Variants in SIL1 observed in about 807,000 individuals in gnomAD.
The protein encoded by SIL1 is nucleotide exchange factor SIL1.
SIL1 carries 40 observed loss-of-function variants against 49.1 expected under a neutral mutation model. That is an observed-to-expected ratio of 0.81 (90% confidence interval 0.63 to 1.06). SIL1 has a LOEUF of 1.06. Among genes scored for constraint, SIL1 ranks in the 50% least tolerant of loss-of-function variants. The pLI is 0.00. For missense variants in SIL1, 500 were observed against 572.6 expected (o/e 0.87, Z 1.29); for synonymous variants, 253 against 250.8 (o/e 1.01, Z -0.08).
intron 7 of SIL1, among the ~76,000 whole-genome samples, chr5:138,980,412 A>G (rs1767489904): frequency 6.6e-6 from 1 of 152,164 alleles, no homozygotes; most frequent in Non-Finnish European, 1.5e-5. Context: ...GACAGTTTGG[A>G]CAACCAGTCT....
chr5:139,185,511 T>C (rs1561894566), intron 1 of SIL1, among the ~76,000 whole-genome samples: 1 of 152,234 alleles, frequency 6.6e-6, no homozygotes, highest in Non-Finnish European at 1.5e-5. Context: ...TAAAATTGGT[T>C]TTGTATACAT....
Position 139,127,687 on chromosome 5 carries a change from C to G in SIL1, c.105+52G>C, listed in dbSNP as rs956043980. The stretch of plus-strand genomic sequence containing the variant: ...CACAACAGCCCTGGTGACAGGGAGG[C>G]CTTCTCAAGACCTCATCAAGGGTCC... On this transcript the variant is annotated intron_variant, in intron 2 of 9. Coordinates refer to ENST00000394817, the MANE Select transcript of SIL1 (RefSeq NM_022464.5). 3.5e-6 allele frequency: 5 copies of G among 1,418,780 alleles called. No homozygotes were observed. In the East Asian group the frequency reaches 1.2e-4, roughly 34 times the overall value. The allele number at this position is 1,418,780 out of a possible 1,614,324, so 87.9% of individuals were successfully genotyped here. A position where few individuals can be genotyped will look rare whatever the true frequency, so the allele number is the denominator to read the frequency against.
chr5:139,099,409 A>C (rs1770538657), intron 3 of SIL1, among the ~76,000 whole-genome samples: 1 of 152,244 alleles, frequency 6.6e-6, no homozygotes, highest in African/African-American at 2.4e-5. Flanking sequence ...CATATGATCC[A>C]GCAATTCCAC....
At chr5:139,003,600 GTC>G (rs1768041486) in intron 7 of SIL1, among the ~76,000 whole-genome samples, 1 of 152,176 alleles carries the variant, frequency 6.6e-6, no homozygotes, top group African/African-American at 2.4e-5. Flanking sequence ...TCCTCACACT[GTC>G]AAGACAGAAG....
intron 1 of SIL1, among the ~76,000 whole-genome samples, chr5:139,182,647 A>G (rs1031841699): frequency 6.6e-6 from 1 of 152,228 alleles, no homozygotes; most frequent in Admixed American, 6.5e-5. Flanking sequence ...TGGTCAGATT[A>G]CAATATAGCC....
At chr5:139,081,382 G>A (rs1288932327) in intron 3 of SIL1, among the ~76,000 whole-genome samples, 2 of 152,126 alleles carry the variant, frequency 1.3e-5, no homozygotes, top group African/African-American at 2.4e-5. Context: ...AGCCTCCCAA[G>A]TAGCTAGGAC....
chr5:139,052,664 A>C (rs1453231256), intron 3 of SIL1, among the ~76,000 whole-genome samples: 1 of 152,200 alleles, frequency 6.6e-6, no homozygotes, highest in Non-Finnish European at 1.5e-5. Context: ...AGCCTGGGCA[A>C]CAGTGCAAGA....
Position 138,947,240 on chromosome 5 carries a change from T to G in SIL1, c.1263A>C (p.Thr421=), listed in dbSNP as rs1157233880. The part of the protein sequence containing the change: ...RYRQDPQLGR[T]LASLQAEYQV... ...GGTACTCAGCCTGCAGGCTGGCCAGTGTCCTGCCGAGCTGGGGGTCCTGAC... is the reference window on the plus strand; with the variant it reads ...GGTACTCAGCCTGCAGGCTGGCCAGGGTCCTGCCGAGCTGGGGGTCCTGAC... The change falls in exon 10 of 10, where the codon ACA becomes ACC. Residue 421 remains threonine, a synonymous_variant. Transcript: ENST00000394817. The surrounding 1 kb of genome is among the most constrained non-coding windows in gnomAD (Gnocchi z 4.1). 5 of 1,613,390 alleles carry G rather than the reference T, an allele frequency of 3.1e-6. No homozygotes were observed. The highest frequency in any genetic ancestry group is 1.1e-5 in the South Asian group (1 of 91,078).
At chr5:138,956,012 AG>A (rs1766894015) in intron 7 of SIL1, among the ~76,000 whole-genome samples, 1 of 152,258 alleles carries the variant, frequency 6.6e-6, no homozygotes, top group African/African-American at 2.4e-5. Flanking sequence ...GTAACTGAAG[AG>A]AGCTTCTGTG....
intron 3 of SIL1, among the ~76,000 whole-genome samples, chr5:139,074,751 T>C (rs1049338851): frequency 1.3e-5 from 2 of 152,152 alleles, no homozygotes; most frequent in African/African-American, 4.8e-5. Context: ...ATTAAAGAGT[T>C]TTTTAAAATA....
intron 1 of SIL1, among the ~76,000 whole-genome samples, chr5:139,167,597 C>T (rs1751650204): frequency 6.6e-6 from 1 of 152,140 alleles, no homozygotes; most frequent in Admixed American, 6.5e-5. Context: ...TATGAGTCAA[C>T]AGTTTTAAAT....
At chr5:138,965,321 A>G (rs760515879) in intron 7 of SIL1, among the ~76,000 whole-genome samples, 3 of 152,124 alleles carry the variant, frequency 2.0e-5, no homozygotes, top group Non-Finnish European at 4.4e-5. Flanking sequence ...TCTCTTGCCT[A>G]CTGGGATATA....
intron 3 of SIL1, among the ~76,000 whole-genome samples, chr5:139,072,909 A>C (rs1211624931): frequency 6.6e-6 from 1 of 152,210 alleles, no homozygotes; most frequent in Non-Finnish European, 1.5e-5. Context: ...CTAAATAGGC[A>C]GTTGCCAAAA....
chr5:139,150,660 G>A (rs1365732667), intron 1 of SIL1, among the ~76,000 whole-genome samples: 2 of 152,086 alleles, frequency 1.3e-5, no homozygotes, highest in African/African-American at 4.8e-5. Flanking sequence ...CCAGTCTCCT[G>A]AACCCCTCCT....
intron 5 of SIL1, among the ~76,000 whole-genome samples, chr5:139,041,345 A>T (rs1363580055): frequency 2.0e-5 from 3 of 152,162 alleles, no homozygotes; most frequent in Non-Finnish European, 4.4e-5. Flanking sequence ...ACAGGTAAAC[A>T]CCAGTTTCCT....
chr5:138,967,498 A>G (rs1767169992), intron 7 of SIL1, among the ~76,000 whole-genome samples: 2 of 152,228 alleles, frequency 1.3e-5, no homozygotes, highest in African/African-American at 4.8e-5. Flanking sequence ...TGCCCCAAAG[A>G]TGAAAAGCTC....
chr5:139,165,148 A>G (rs981265326), intron 1 of SIL1, among the ~76,000 whole-genome samples: 2 of 152,182 alleles, frequency 1.3e-5, no homozygotes, highest in African/African-American at 4.8e-5. Flanking sequence ...CTCTCTCTGA[A>G]GTGTGCTACC....
At chr5:139,032,636 C>T (rs1393497212) in intron 5 of SIL1, among the ~76,000 whole-genome samples, 8 of 152,086 alleles carry the variant, frequency 5.3e-5, no homozygotes, top group South Asian at 4.2e-4. Flanking sequence ...GTAGAATTGA[C>T]GCCAGTGGTT....
At chr5:138,951,567 G>C (rs1766779070) in intron 8 of SIL1, among the ~76,000 whole-genome samples, 1 of 152,228 alleles carries the variant, frequency 6.6e-6, no homozygotes, top group Admixed American at 6.5e-5. Flanking sequence ...GGGAGGCCAG[G>C]AGTAGGGCCC....
Sources: gnomAD v4.1 joint callset for allele counts (sites outside exome capture counted in the v4.1 genomes callset) on GRCh38, gnomAD v4.1.1 for gene constraint, Gnocchi (gnomAD v3.1) non-coding constraint, MANE v1.5 for transcripts, NCBI Gene and HGNC (gene_info 2026-07-23, HGNC 2026-07-21) for gene names.